The following TTLL5 variants were observed in gnomAD, a reference collection of about 807,000 sequenced individuals.
TTLL5 encodes the protein tubulin polyglutamylase TTLL5.
TTLL5 carries 132 observed loss-of-function variants against 168.4 expected under a neutral mutation model. The observed-to-expected ratio is 0.78, with a 90% CI of 0.68 to 0.91. The LOEUF (loss-of-function observed/expected upper bound fraction) is 0.91. Among genes scored for constraint, TTLL5 ranks in the 40% least tolerant of loss-of-function variants. The pLI is 0.00. For missense variants in TTLL5, 1,545 were observed against 1,581.5 expected (o/e 0.98, Z 0.39); for synonymous variants, 546 against 558.6 (o/e 0.98, Z 0.32).
At chr14:75,742,773 G>A (rs570166343) in intron 15 of TTLL5, among the ~76,000 whole-genome samples, 1 of 152,298 alleles carries the variant, frequency 6.6e-6, no homozygotes, top group Non-Finnish European at 1.5e-5. Context: ...AATAAGTAGT[G>A]TGTGATCATG....
intron 28 of TTLL5, among the ~76,000 whole-genome samples, chr14:75,834,803 C>G (rs994127490): frequency 1.3e-5 from 2 of 152,194 alleles, no homozygotes; most frequent in African/African-American, 4.8e-5. Context: ...CAGTGGCTCA[C>G]ACCTGTAATC....
chr14:75,782,493 C>T lies in TTLL5; in HGVS notation c.2522C>T (p.Pro841Leu), dbSNP rs2140330245. The change falls in exon 25 of 32, where the codon CCT becomes CTT. Residue 841 changes from proline (P) to leucine (L), a missense_variant. Pro to Leu is a moderately conservative substitution (Grantham distance 98). Transcript: ENST00000298832. ...YSDSGAKGDH[P>L]ETIMEEVKIK... ...TCATTATTTCTTATTTCAGATCACC[C>T]TGAGACTATAATGGAAGAAGTGAAA... 6.2e-7 allele frequency: 1 copy of T among 1,613,156 alleles called. No individual in the cohort carries two copies. Among genetic ancestry groups the T allele is most frequent in the Admixed American group, 1.7e-5 (1 of 59,968 alleles).
At chr14:75,701,718 TC>T (rs1794357996) in intron 7 of TTLL5, among the ~76,000 whole-genome samples, 1 of 152,202 alleles carries the variant, frequency 6.6e-6, no homozygotes, top group African/African-American at 2.4e-5. Context: ...GCCTCACTGT[TC>T]CAAATGCTGT....
chr14:75,731,540 A>C (rs1245300427), intron 12 of TTLL5, among the ~76,000 whole-genome samples: 2 of 152,144 alleles, frequency 1.3e-5, no homozygotes, highest in Non-Finnish European at 2.9e-5. Flanking sequence ...TGGGAAGAAC[A>C]CTTGCTTCTG....
At chr14:75,700,848 A>G (rs917010391) in intron 7 of TTLL5, among the ~76,000 whole-genome samples, 26 of 152,112 alleles carry the variant, frequency 1.7e-4, no homozygotes, top group African/African-American at 5.8e-4. Context: ...GCTGCCGCTG[A>G]CAGACTTTGG....
intron 28 of TTLL5, among the ~76,000 whole-genome samples, chr14:75,832,379 T>C (rs1233574547): frequency 6.6e-6 from 1 of 152,212 alleles, no homozygotes; most frequent in Non-Finnish European, 1.5e-5. Flanking sequence ...TGCTGCTTCC[T>C]CTGAACTCCA....
chr14:75,924,549 A>G (rs2033942341), intron 31 of TTLL5, among the ~76,000 whole-genome samples: 2 of 151,928 alleles, frequency 1.3e-5, no homozygotes, highest in African/African-American at 4.9e-5. Flanking sequence ...CCCTTAATCC[A>G]TTTAACCCTG....
chr14:75,871,247 T>C (rs1204143824), intron 29 of TTLL5, among the ~76,000 whole-genome samples: 2 of 152,168 alleles, frequency 1.3e-5, no homozygotes. Flanking sequence ...GGAATATTCT[T>C]CTGGAATCTT....
At chr14:75,919,500 A>G (rs758648606) in intron 31 of TTLL5, among the ~76,000 whole-genome samples, 4 of 152,192 alleles carry the variant, frequency 2.6e-5, no homozygotes, top group African/African-American at 4.8e-5. Context: ...CTCTTCAACA[A>G]CTATTCAGTG....
chr14:75,869,705 A>C (rs2030851322), intron 29 of TTLL5, among the ~76,000 whole-genome samples: 1 of 152,156 alleles, frequency 6.6e-6, no homozygotes. Context: ...TGCAGCATCC[A>C]AGCTCATGGC....
intron 21 of TTLL5, among the ~76,000 whole-genome samples, chr14:75,772,824 A>G (rs1215891233): frequency 1.3e-5 from 2 of 151,842 alleles, no homozygotes; most frequent in African/African-American, 2.4e-5. Context: ...CCCACCACCA[A>G]GCCTAGCTAA....
intron 28 of TTLL5, among the ~76,000 whole-genome samples, chr14:75,822,721 C>T (rs1466776442): frequency 6.6e-6 from 1 of 152,168 alleles, no homozygotes; most frequent in African/African-American, 2.4e-5. Context: ...ATCAAACGAC[C>T]TTGTTCTCCC....
intron 31 of TTLL5, among the ~76,000 whole-genome samples, chr14:75,937,151 T>C (rs898039226): frequency 6.6e-6 from 1 of 151,470 alleles, no homozygotes; most frequent in African/African-American, 2.4e-5. Flanking sequence ...AGAGTCTTGC[T>C]CTGTCACCAG....
Position 75,685,167 on chromosome 14 carries a change from A to G in TTLL5, c.371+1511A>G, listed in dbSNP as rs1318970039. Among the ~76,000 whole-genome samples the G allele has an allele frequency of 2.0e-5, 3 of 151,996 alleles. No individual in the cohort carries two copies. In the East Asian group the frequency reaches 5.8e-4, roughly 29 times the overall value. On this transcript the variant is annotated intron_variant, in intron 5 of 31. Transcript: ENST00000298832. ...GAGGCCAAGGCAGACAGATCGCTTG[A>G]GCCCCAGGAGTTGGAGACCACCCTG... is the stretch of plus-strand genomic sequence containing the variant.
At chr14:75,951,819 C>T (rs999412539) in intron 31 of TTLL5, among the ~76,000 whole-genome samples, 1 of 152,134 alleles carries the variant, frequency 6.6e-6, no homozygotes, top group African/African-American at 2.4e-5. Flanking sequence ...GTTTGTAATA[C>T]ATAAAAACCA....
intron 9 of TTLL5, among the ~76,000 whole-genome samples, chr14:75,713,975 A>G (rs1224496515): frequency 6.6e-6 from 1 of 151,940 alleles, no homozygotes; most frequent in Non-Finnish European, 1.5e-5. Flanking sequence ...TTTTAATTAC[A>G]AAAGGATCCA....
intron 26 of TTLL5, among the ~76,000 whole-genome samples, chr14:75,786,898 C>T (rs1462489099): frequency 3.9e-5 from 6 of 152,032 alleles, no homozygotes; most frequent in Admixed American, 6.6e-5. Flanking sequence ...TTTCGGAGGC[C>T]GAGTTAGGCA....
chr14:75,719,048 G>A (rs953086114), intron 10 of TTLL5, among the ~76,000 whole-genome samples: 9 of 152,132 alleles, frequency 5.9e-5, no homozygotes, highest in African/African-American at 2.2e-4. Flanking sequence ...GGGAGTGAGG[G>A]GACAGCTGCA....
In TTLL5 at chr14:75,925,417, G is replaced by GGTC. The variant is rs762067079; in HGVS notation, c.3823+23194_3823+23195insTCG. Among the ~76,000 whole-genome samples, 23 of 17,244 alleles carry GGTC rather than the reference G, an allele frequency of 1.3e-3. 1 individual carries two copies. In the East Asian group the frequency reaches 0.015, roughly 11 times the overall value. 11.3% of individuals were successfully genotyped at this position (17,244 alleles called of 152,430 possible). On this transcript the variant is annotated intron_variant, in intron 31 of 31. Coordinates refer to ENST00000298832, the MANE Select transcript of TTLL5 (RefSeq NM_015072.5). ...GAGGCGCTCCTCACATCCCAGACGG[G>GGTC]GCGGCGGGGCAGAGGCGCTCCTCAC...
Sources: gnomAD v4.1 joint callset for allele counts (sites outside exome capture counted in the v4.1 genomes callset) on GRCh38, gnomAD v4.1.1 for gene constraint, MANE v1.5 for transcripts, NCBI Gene and HGNC (gene_info 2026-07-23, HGNC 2026-07-21) for gene names.